Variants in SYNDIG1 observed in about 807,000 individuals in gnomAD.
SYNDIG1 encodes the protein synapse differentiation-inducing gene protein 1.
SYNDIG1 carries 9 observed loss-of-function variants against 19.4 expected under a neutral mutation model. The ratio of observed to expected loss-of-function variants is 0.46; its 90% CI spans 0.28 to 0.81. The LOEUF is 0.81. SYNDIG1 is among the 30% of genes least tolerant of loss of function. The pLI, the probability that SYNDIG1 is intolerant of heterozygous loss-of-function variation, is 0.12. For synonymous variants in SYNDIG1, 141 were observed against 145.9 expected (o/e 0.97, Z 0.24); for missense variants, 311 against 343.3 (o/e 0.91, Z 0.74).
intron 2 of SYNDIG1, among the ~76,000 whole-genome samples, chr20:24,580,525 T>C (rs1320454287): frequency 6.6e-6 from 1 of 152,126 alleles, no homozygotes; most frequent in Non-Finnish European, 1.5e-5. Flanking sequence ...ATCTTCTGCC[T>C]CAGCCTCCCA....
intron 3 of SYNDIG1, among the ~76,000 whole-genome samples, chr20:24,650,702 G>A (rs577507723): frequency 5.9e-5 from 9 of 152,318 alleles, no homozygotes; most frequent in Non-Finnish European, 1.2e-4. Context: ...TGCAGTATGC[G>A]TGGAAATGGA....
rs1011852084 is a variant in SYNDIG1 at position 24,658,515 on chromosome 20, G to A, written c.619-6831G>A. Among the ~76,000 whole-genome samples, 3 of 152,084 alleles carry A rather than the reference G, an allele frequency of 2.0e-5. No homozygotes were observed. Among genetic ancestry groups the A allele is most frequent in the African/African-American group, 4.8e-5 (2 of 41,418 alleles). Reference sequence around the variant, plus strand: ...CCTTCCCCAGTGACCTGCAGGTTTCGAGGGGCTTCCCCCTCCCACGGTCAC... The same window carrying A: ...CCTTCCCCAGTGACCTGCAGGTTTCAAGGGGCTTCCCCCTCCCACGGTCAC... On this transcript the variant is annotated intron_variant, in intron 3 of 3. Transcript: ENST00000376862. This position sits in a 1 kb window ranked among gnomAD's most constrained non-coding sequence, Gnocchi z 4.4.
intron 2 of SYNDIG1, among the ~76,000 whole-genome samples, chr20:24,545,169 G>A (rs541983664): frequency 6.6e-6 from 1 of 152,302 alleles, no homozygotes; most frequent in South Asian, 2.1e-4. Flanking sequence ...ATTAGAAATG[G>A]AGAGGGAAAC....
At chr20:24,565,523 C>A (rs1456726145) in intron 2 of SYNDIG1, among the ~76,000 whole-genome samples, 2 of 152,156 alleles carry the variant, frequency 1.3e-5, no homozygotes, top group African/African-American at 2.4e-5. Context: ...CTGGCCCAGG[C>A]TGGGTGATGT....
rs1314700724 is a variant in SYNDIG1, at chr20:24,659,980, G to C, written c.619-5366G>C. On this transcript the variant is annotated intron_variant, in intron 3 of 3. Coordinates refer to ENST00000376862, the MANE Select transcript of SYNDIG1 (RefSeq NM_024893.3). ...ACCGTTCCTTCCCAGAAGTATCCAT[G>C]AACCTGTTTCCATGCCAACAGCAGA... Among the ~76,000 whole-genome samples, 4 of 152,062 alleles carry C rather than the reference G, an allele frequency of 2.6e-5. No homozygotes were observed. The East Asian group carries it at 5.8e-4, about 22-fold the overall frequency.
chr20:24,510,937 C>T (rs977763610), intron 1 of SYNDIG1, among the ~76,000 whole-genome samples: 1 of 152,082 alleles, frequency 6.6e-6, no homozygotes, highest in Admixed American at 6.5e-5. Flanking sequence ...AGTTCAAGTC[C>T]CTCATCAGAT....
At chr20:24,501,377 C>T (rs930227586) in intron 1 of SYNDIG1, among the ~76,000 whole-genome samples, 10 of 152,206 alleles carry the variant, frequency 6.6e-5, no homozygotes, top group Non-Finnish European at 1.0e-4. Context: ...GTGTGAGGTG[C>T]TCTGAGCAGC....
In SYNDIG1 at chr20:24,551,195, T is replaced by A. The variant is rs146096456; in HGVS notation, c.480+7618T>A. Among the ~76,000 whole-genome samples the A allele has an allele frequency of 1.0e-3, 158 of 152,332 alleles. 1 individual carries two copies. Among genetic ancestry groups the A allele is most frequent in the Non-Finnish European group, 1.6e-3 (106 of 68,032 alleles). ...GATTCTATTACTTTACTAGTTTAAG[T>A]CTCTTGTTTTAAAGAAAATCTGAAG... On this transcript the variant is annotated intron_variant, in intron 2 of 3. Coordinates refer to ENST00000376862, the MANE Select transcript of SYNDIG1 (RefSeq NM_024893.3).
intron 1 of SYNDIG1, among the ~76,000 whole-genome samples, chr20:24,538,232 T>G (rs2057400140): frequency 6.6e-6 from 1 of 152,202 alleles, no homozygotes; most frequent in African/African-American, 2.4e-5. Flanking sequence ...ATATCCCTTT[T>G]CATTCCATAC....
intron 2 of SYNDIG1, among the ~76,000 whole-genome samples, chr20:24,560,997 C>CT (rs372179970): frequency 0.04 from 5,843 of 145,328 alleles, 214 homozygotes; most frequent in Non-Finnish European, 0.052. Flanking sequence ...TCAGCTTTGT[C>CT]TTTTTTTTTT....
chr20:24,519,773 C>T (rs1420065168), intron 1 of SYNDIG1, among the ~76,000 whole-genome samples: 4 of 151,936 alleles, frequency 2.6e-5, no homozygotes, highest in Admixed American at 2.6e-4. Flanking sequence ...TTTCTCCCTC[C>T]TTCTCCTTCT....
intron 2 of SYNDIG1, among the ~76,000 whole-genome samples, chr20:24,580,410 G>A (rs1485289602): frequency 6.6e-6 from 1 of 152,042 alleles, no homozygotes; most frequent in East Asian, 1.9e-4. Flanking sequence ...TTGTTTGTTT[G>A]TTTGTTTGTT....
intron 1 of SYNDIG1, among the ~76,000 whole-genome samples, chr20:24,527,435 T>C (rs2057147187): frequency 6.6e-6 from 1 of 152,170 alleles, no homozygotes; most frequent in Admixed American, 6.5e-5. Context: ...TGAACAATTG[T>C]TCTATACTTT....
intron 2 of SYNDIG1, among the ~76,000 whole-genome samples, chr20:24,580,379 G>T (rs1357837119): frequency 6.6e-6 from 1 of 152,018 alleles, no homozygotes; most frequent in East Asian, 1.9e-4. Context: ...GTTTTTGTCT[G>T]CCCTGTAATT....
intron 1 of SYNDIG1, among the ~76,000 whole-genome samples, chr20:24,501,313 T>A (rs910939944): frequency 3.9e-5 from 6 of 152,252 alleles, no homozygotes; most frequent in African/African-American, 1.4e-4. Flanking sequence ...GTAGCTTCCA[T>A]ATCCTCTGCA....
At chr20:24,543,636 G>C (rs1225946101) in intron 2 of SYNDIG1, 59 bp downstream of exon 2, 3 of 1,555,520 alleles carry the variant, frequency 1.9e-6, no homozygotes, top group Non-Finnish European at 2.6e-6. Flanking sequence ...TTCTAGGGAG[G>C]GCAGGAGCCA....
At chr20:24,499,274 C>T (rs1204531307) in intron 1 of SYNDIG1, among the ~76,000 whole-genome samples, 1 of 152,240 alleles carries the variant, frequency 6.6e-6, no homozygotes. Context: ...ATCCAACCGC[C>T]TCAGCCTCCC....
intron 2 of SYNDIG1, among the ~76,000 whole-genome samples, chr20:24,573,632 G>A (rs147516067): frequency 3.7e-4 from 57 of 152,320 alleles, no homozygotes; most frequent in African/African-American, 1.4e-3. Context: ...ACCAAGTCCT[G>A]GAAAGCTTTG....
chr20:24,512,006 A>G (rs1476432887), intron 1 of SYNDIG1, among the ~76,000 whole-genome samples: 1 of 150,872 alleles, frequency 6.6e-6, no homozygotes, highest in East Asian at 1.9e-4. Context: ...CTTTTCCACA[A>G]AATGGACCCT....
Sources: gnomAD v4.1 joint callset for allele counts (sites outside exome capture counted in the v4.1 genomes callset) on GRCh38, gnomAD v4.1.1 for gene constraint, Gnocchi (gnomAD v3.1) non-coding constraint, MANE v1.5 for transcripts, NCBI Gene and HGNC (gene_info 2026-07-23, HGNC 2026-07-21) for gene names.